The following ZNF569 variants were observed in gnomAD, a reference collection of about 807,000 sequenced individuals.
The protein encoded by ZNF569 is zinc finger protein 569, also known as DNA-binding protein.
ZNF569 carries 38 observed loss-of-function variants against 56.3 expected under a neutral mutation model. The observed-to-expected ratio is 0.68, with a 90% confidence interval of 0.52 to 0.88. The LOEUF (loss-of-function observed/expected upper bound fraction) is 0.88, where lower values mean the gene tolerates loss of function less well. ZNF569 is among the 40% of genes least tolerant of loss of function. ZNF569 has a pLI of 0.00. For missense variants in ZNF569, 666 were observed against 809.2 expected (o/e 0.82, Z 2.15); for synonymous variants, 241 against 262.9 (o/e 0.92, Z 0.81).
upstream of ZNF569, among the ~76,000 whole-genome samples, chr19:37,468,680 G>C (rs2041894846): frequency 6.6e-6 from 1 of 152,066 alleles, no homozygotes; most frequent in South Asian, 2.1e-4. Context: ...TAATTTTTTT[G>C]TATTTTTAGT....
intron 3 of ZNF569, among the ~76,000 whole-genome samples, chr19:37,429,093 C>T (rs1158552923): frequency 1.3e-5 from 2 of 152,188 alleles, no homozygotes; most frequent in East Asian, 3.8e-4. Flanking sequence ...TGTTATTCTT[C>T]TATTCCAATA....
chr19:37,468,423 C>A (rs2041889609), upstream of ZNF569, among the ~76,000 whole-genome samples: 1 of 152,134 alleles, frequency 6.6e-6, no homozygotes, highest in South Asian at 2.1e-4. Context: ...ATAGGCCGGA[C>A]GCGGTGGCTC....
intron 3 of ZNF569, among the ~76,000 whole-genome samples, chr19:37,435,327 A>C (rs2041292410): frequency 6.6e-6 from 1 of 152,172 alleles, no homozygotes; most frequent in Non-Finnish European, 1.5e-5. Flanking sequence ...CAACAGATAC[A>C]TAAAAAGTAA....
At position 37,441,199 on chromosome 19, in the gene ZNF569, T is replaced by C. The variant is rs146224896; in HGVS notation, c.15+3708A>G. Among the ~76,000 whole-genome samples the C allele has an allele frequency of 2.6e-3, 398 of 152,310 alleles. 1 individual carries two copies. Among genetic ancestry groups the C allele is most frequent in the African/African-American group, 9.3e-3 (386 of 41,568 alleles). ...AGGCCTTGAAGGTAGGGAGGTAATATGTGCCTAGAACTCCCCACACTCTAA... is the reference window on the plus strand; with the variant it reads ...AGGCCTTGAAGGTAGGGAGGTAATACGTGCCTAGAACTCCCCACACTCTAA... On this transcript the variant is annotated intron_variant, in intron 3 of 5. Coordinates refer to ENST00000316950, the MANE Select transcript of ZNF569 (RefSeq NM_152484.3).
rs547447083 is a variant in ZNF569 at position 37,463,882 on chromosome 19, GA to G, written c.-44+1430del. 3.6e-3 allele frequency among the ~76,000 whole-genome samples: 550 copies of G among 151,950 alleles called. 4 individuals are homozygous for G. Among genetic ancestry groups the G allele is most frequent in the African/African-American group, 0.013 (543 of 41,470 alleles). On this transcript the variant is annotated intron_variant, in intron 2 of 5. Coordinates refer to ENST00000316950, the MANE Select transcript of ZNF569 (RefSeq NM_152484.3). ...TTCAAAAGTTAAAATATTTTTAATA[GA>G]AAAAAGCTTATAAAGATATAAAGAA...
Position 37,411,315 on chromosome 19 carries a change from T to C in ZNF569, c.*1282A>G, listed in dbSNP as rs777501799. On this transcript the variant is annotated 3_prime_UTR_variant, in exon 6 of 6. Transcript: ENST00000316950. ...ATCTTATTAAATTATACAAATGTTATACTGTGTTCCTTTGTGCATTTTAAT... is the reference window on the plus strand; with the variant it reads ...ATCTTATTAAATTATACAAATGTTACACTGTGTTCCTTTGTGCATTTTAAT... The C allele has an allele frequency of 5.3e-5, 8 of 152,218 alleles. No individual in the cohort carries two copies. Among genetic ancestry groups the C allele is most frequent in the Non-Finnish European group, 8.8e-5 (6 of 68,006 alleles). The allele number at this position is 152,218 out of a possible 1,614,324, so 9.4% of individuals were successfully genotyped here.
upstream of ZNF569, chr19:37,469,012 C>A (rs2041903430): frequency 2.0e-6 from 2 of 979,196 alleles, no homozygotes; most frequent in African/African-American, 1.8e-5. Context: ...CGATTCTCAA[C>A]TCCCCGCCCT....
chr19:37,452,577 A>AT (rs529917389), intron 2 of ZNF569, among the ~76,000 whole-genome samples: 5 of 151,836 alleles, frequency 3.3e-5, no homozygotes, highest in Non-Finnish European at 5.9e-5. Flanking sequence ...GTTGGCAGAG[A>AT]TTTTTTTGTT....
At chr19:37,421,369 T>C (rs2041033077) in intron 5 of ZNF569, among the ~76,000 whole-genome samples, 1 of 152,224 alleles carries the variant, frequency 6.6e-6, no homozygotes, top group Admixed American at 6.5e-5. Context: ...GGCTGTTGCA[T>C]CTACATCGGA....
chr19:37,423,579 T>A (rs1379525966), intron 5 of ZNF569, among the ~76,000 whole-genome samples: 1 of 152,158 alleles, frequency 6.6e-6, no homozygotes, highest in Non-Finnish European at 1.5e-5. Context: ...TGAATTATTT[T>A]AAAAAGTCGA....
chr19:37,421,366 G>T (rs74989625), intron 5 of ZNF569, among the ~76,000 whole-genome samples: 161 of 152,300 alleles, frequency 1.1e-3, no homozygotes, highest in African/African-American at 3.6e-3. Context: ...GAAGGCTGTT[G>T]CATCTACATC....
intron 3 of ZNF569, among the ~76,000 whole-genome samples, chr19:37,441,837 A>T (rs1183489447): frequency 2.6e-5 from 4 of 152,162 alleles, no homozygotes; most frequent in African/African-American, 9.7e-5. Context: ...CCATAAATTC[A>T]TCAGCCACTG....
intron 2 of ZNF569, among the ~76,000 whole-genome samples, chr19:37,451,480 T>G (rs1485537824): frequency 6.6e-6 from 1 of 152,002 alleles, no homozygotes; most frequent in African/African-American, 2.4e-5. Context: ...AAATGTTTCC[T>G]TATTGATTTG....
intron 5 of ZNF569, among the ~76,000 whole-genome samples, chr19:37,425,148 T>C (rs779206928): frequency 7.2e-5 from 11 of 151,764 alleles, no homozygotes; most frequent in Non-Finnish European, 1.3e-4. Context: ...ACATGCTTTC[T>C]GAAAATATAT....
chr19:37,462,338 C>T (rs2041769022), intron 2 of ZNF569, among the ~76,000 whole-genome samples: 1 of 151,956 alleles, frequency 6.6e-6, no homozygotes, highest in East Asian at 1.9e-4. Flanking sequence ...TCTCTCTCTA[C>T]CGGATCATTT....
At chr19:37,461,220 T>C (rs1040316486) in intron 2 of ZNF569, among the ~76,000 whole-genome samples, 1 of 152,010 alleles carries the variant, frequency 6.6e-6, no homozygotes, top group African/African-American at 2.4e-5. Flanking sequence ...CTTACTGAAA[T>C]AATGGGTCTA....
intron 2 of ZNF569, among the ~76,000 whole-genome samples, chr19:37,458,260 T>C (rs1418099732): frequency 6.6e-6 from 1 of 152,200 alleles, no homozygotes; most frequent in African/African-American, 2.4e-5. Flanking sequence ...GTTACATGAG[T>C]ATTACCTTAA....
At chr19:37,445,395 TG>T (rs1199298174) in intron 2 of ZNF569, among the ~76,000 whole-genome samples, 1 of 152,320 alleles carries the variant, frequency 6.6e-6, no homozygotes, top group African/African-American at 2.4e-5. Context: ...GTGAGTAATG[TG>T]TATCGGAGGT....
upstream of ZNF569, among the ~76,000 whole-genome samples, chr19:37,468,629 C>T (rs2041893415): frequency 6.6e-6 from 1 of 152,220 alleles, no homozygotes; most frequent in Admixed American, 6.5e-5. Context: ...CCTCAGCCTC[C>T]TGAGTAGCTG....
Sources: allele counts gnomAD v4.1 joint callset (sites outside exome capture counted in the v4.1 genomes callset), GRCh38; gene constraint gnomAD v4.1.1; transcripts MANE v1.5; gene names NCBI Gene and HGNC (gene_info 2026-07-23, HGNC 2026-07-21).